Variants in FAM76B observed in about 807,000 individuals in gnomAD.
FAM76B encodes the protein family with sequence similarity 76 member B, also known as protein FAM76B.
In FAM76B, 16 loss-of-function variants were observed where a neutral mutation model predicts 51.8. The observed-to-expected ratio is 0.31, with a 90% confidence interval of 0.21 to 0.47. The LOEUF is 0.47. Ranked by LOEUF, FAM76B falls within the 20% of genes least tolerant of loss-of-function variation. The pLI, the probability that FAM76B is intolerant of heterozygous loss-of-function variation, is 1.00. For synonymous variants in FAM76B, 166 were observed against 129.5 expected (o/e 1.28, Z -1.91); for missense variants, 342 against 392.6 (o/e 0.87, Z 1.09).
In FAM76B at chr11:95,787,690, A is replaced by T. The variant is rs764889788; in HGVS notation, c.153-12T>A. On this transcript the variant is annotated splice_polypyrimidine_tract_variant and intron_variant, in intron 2 of 9. Coordinates refer to ENST00000358780, the MANE Select transcript of FAM76B (RefSeq NM_144664.5). The stretch of plus-strand genomic sequence containing the variant: ...TTGTGTTAGTTTTGCTGAAAAATAA[A>T]TTGTATATAGATCATGTTTATGTAG... 2.5e-6 allele frequency: 4 copies of T among 1,593,352 alleles called. No homozygotes were observed. In the East Asian group the frequency reaches 6.7e-5, roughly 27 times the overall value.
At position 95,768,997 on chromosome 11, in the gene FAM76B, A is replaced by G. The variant is rs369455376; in HGVS notation, c.*2564T>C. On this transcript the variant is annotated 3_prime_UTR_variant, in exon 10 of 10. Coordinates refer to ENST00000358780, the MANE Select transcript of FAM76B (RefSeq NM_144664.5). The stretch of plus-strand genomic sequence containing the variant: ...TTGTGAAATATTGGATCTAGAAAAA[A>G]GTACAAAATGTCAACAGTCAGATGT... 30 of 152,578 alleles carry G rather than the reference A, an allele frequency of 2.0e-4. 1 individual carries two copies. Among genetic ancestry groups the G allele is most frequent in the Middle Eastern group, 3.4e-3 (1 of 294 alleles). 9.5% of individuals were successfully genotyped at this position (152,578 alleles called of 1,614,324 possible).
chr11:95,789,523 G>T lies in FAM76B; in HGVS notation c.-45C>A. On this transcript the variant is annotated 5_prime_UTR_variant, in exon 1 of 10. Coordinates refer to ENST00000358780, the MANE Select transcript of FAM76B (RefSeq NM_144664.5). ...CTCCGCCGCCGCCCGCTCCGAGGCG[G>T]GGCCCTACGGAGAACCCGAGAGCCG... The T allele has an allele frequency of 6.5e-7, 1 of 1,541,116 alleles. No homozygotes were observed. Among genetic ancestry groups the T allele is most frequent in the Middle Eastern group, 2.0e-4 (1 of 4,928 alleles).
intron 8 of FAM76B, among the ~76,000 whole-genome samples, chr11:95,776,331 G>A (rs979065780): frequency 2.6e-5 from 4 of 151,232 alleles, no homozygotes; most frequent in African/African-American, 7.3e-5. Context: ...AAAGCTTAAC[G>A]GCTAATAACT....
rs1410515211 is a variant in FAM76B at position 95,783,203 on chromosome 11, G to A, written c.425C>T (p.Thr142Met). Residue 142 changes from threonine to methionine, a missense_variant, in exon 5 of 10, where the codon ACG becomes ATG. Thr to Met is a moderately conservative substitution (Grantham distance 81, BLOSUM62 -1). Coordinates refer to ENST00000358780, the MANE Select transcript of FAM76B (RefSeq NM_144664.5). ...TCCCAGGCTCTTCCTTTGTTCTTTCGTCTTCTGTAAAACTCTTTTGTACGA... is the reference window on the plus strand; with the variant it reads ...TCCCAGGCTCTTCCTTTGTTCTTTCATCTTCTGTAAAACTCTTTTGTACGA... ...TLSYKRVLQK[T>M]KEQRKSLGSS... The A allele has an allele frequency of 2.5e-6, 4 of 1,613,670 alleles. No homozygotes were observed. The highest frequency in any genetic ancestry group is 3.4e-6 in the Non-Finnish European group (4 of 1,179,960).
In FAM76B at chr11:95,789,751, G is replaced by A. The variant is rs377202589; in HGVS notation, c.-273C>T. The A allele has an allele frequency of 9.4e-5, 42 of 446,446 alleles. No individual in the cohort carries two copies. Among genetic ancestry groups the A allele is most frequent in the South Asian group, 6.3e-4 (18 of 28,466 alleles). 27.7% of individuals were successfully genotyped at this position (446,446 alleles called of 1,614,324 possible). A position where few individuals can be genotyped will look rare whatever the true frequency, so the allele number is the denominator to read the frequency against. Reference sequence around the variant, plus strand: ...GGCGGAGGGAGACGAAGCGGGTAGGGGGTTGCTGTTTAGCTGTGCGGCCGT... The same window carrying A: ...GGCGGAGGGAGACGAAGCGGGTAGGAGGTTGCTGTTTAGCTGTGCGGCCGT... On this transcript the variant is annotated 5_prime_UTR_variant, in exon 1 of 10. Coordinates refer to ENST00000358780, the MANE Select transcript of FAM76B (RefSeq NM_144664.5).
chr11:95,777,242 T>C (rs909713459), intron 8 of FAM76B, among the ~76,000 whole-genome samples: 3 of 151,430 alleles, frequency 2.0e-5, no homozygotes, highest in Admixed American at 6.6e-5. Context: ...TAAGAAAAAG[T>C]TGCAAATGTA....
chr11:95,783,144 T>A lies in FAM76B; in HGVS notation c.484A>T (p.Thr162Ser), dbSNP rs61749525. The change falls in exon 5 of 10, where the codon ACT becomes TCT. Residue 162 changes from threonine (T) to serine (S), a missense_variant. Coordinates refer to ENST00000358780, the MANE Select transcript of FAM76B (RefSeq NM_144664.5). ...TTTGGATGATGCTGGTCTTTCTCAGTAAGAGATGAAGAAGATGAATTTGAA... is the reference window on the plus strand; with the variant it reads ...TTTGGATGATGCTGGTCTTTCTCAGAAAGAGATGAAGAAGATGAATTTGAA... ...SHSNSSSSSL[T>S]EKDQHHPKHH... 1 of 1,613,142 alleles carries A rather than the reference T, an allele frequency of 6.2e-7. No homozygotes were observed. Among genetic ancestry groups the A allele is most frequent in the African/African-American group, 1.3e-5 (1 of 75,056 alleles).
chr11:95,775,285 T>C (rs1302081687), intron 9 of FAM76B, among the ~76,000 whole-genome samples: 1 of 151,510 alleles, frequency 6.6e-6, no homozygotes, highest in African/African-American at 2.4e-5. Context: ...ATGTTCACCA[T>C]CTCTGCATGC....
At chr11:95,786,360 G>T in intron 3 of FAM76B, 86 bp from the exon 4 acceptor site, 1 of 1,437,494 alleles carries the variant, frequency 7.0e-7, no homozygotes, top group Non-Finnish European at 9.2e-7. Flanking sequence ...CATATTTCTG[G>T]AATTAAGAAA....
At chr11:95,775,714 A>T (rs1246555853) in intron 9 of FAM76B, 2 of 335,626 alleles carry the variant, frequency 6.0e-6, no homozygotes, top group Non-Finnish European at 1.1e-5. Flanking sequence ...AGTTTTCAAG[A>T]TTAAAGTACT....
rs199946872 is a variant in FAM76B, at chr11:95,788,581, A to G, written c.88-18T>C. ...CGACATTCCTGTAATAAGACAATACATTAGTCAGTATCTTTCTGAAAGTCC... is the reference window on the plus strand; with the variant it reads ...CGACATTCCTGTAATAAGACAATACGTTAGTCAGTATCTTTCTGAAAGTCC... On this transcript the variant is annotated intron_variant, in intron 1 of 9. Transcript: ENST00000358780. 5.6e-6 allele frequency: 9 copies of G among 1,598,252 alleles called. No individual in the cohort carries two copies. Among genetic ancestry groups the G allele is most frequent in the Non-Finnish European group, 5.1e-6 (6 of 1,168,966 alleles).
At position 95,769,901 on chromosome 11, in the gene FAM76B, T is replaced by C. The variant is rs1859694359; in HGVS notation, c.*1660A>G. On this transcript the variant is annotated 3_prime_UTR_variant, in exon 10 of 10. Coordinates refer to ENST00000358780, the MANE Select transcript of FAM76B (RefSeq NM_144664.5). ...TCAAAATGGACAAAGAATTATTTGG[T>C]ATTCACTTTATAATGAACTATGAGA... 6.6e-6 allele frequency: 1 copy of C among 151,530 alleles called. No individual in the cohort carries two copies. 9.4% of individuals were successfully genotyped at this position (151,530 alleles called of 1,614,324 possible). A position where few individuals can be genotyped will look rare whatever the true frequency, so the allele number is the denominator to read the frequency against.
chr11:95,775,464 C>A (rs879804115), intron 9 of FAM76B, among the ~76,000 whole-genome samples: 2 of 151,366 alleles, frequency 1.3e-5, no homozygotes, highest in African/African-American at 4.8e-5. Context: ...GTTAAGTAAA[C>A]TCTCTTGCTT....
At position 95,783,381 on chromosome 11, in the gene FAM76B, T is replaced by C. The variant is rs566506647; in HGVS notation, c.364-117A>G. 18 of 746,882 alleles carry C rather than the reference T, an allele frequency of 2.4e-5. No individual in the cohort carries two copies. In the African/African-American group the frequency reaches 2.6e-4, roughly 11 times the overall value. 46.3% of individuals were successfully genotyped at this position (746,882 alleles called of 1,614,324 possible). ...TCCACACGTAACATGCACAAATGCA[T>C]GTATGCACATATTCACGGATTTTCT... On this transcript the variant is annotated intron_variant, in intron 4 of 9. Transcript: ENST00000358780.
In FAM76B at chr11:95,783,193, T is replaced by C; in HGVS notation, c.435A>G (p.Gln145=). ...YKRVLQKTKE[Q]RKSLGSSHSN... is the part of the protein sequence containing the mutation. ...AATGTGAAGATCCCAGGCTCTTCCTTTGTTCTTTCGTCTTCTGTAAAACTC... is the reference window on the plus strand; with the variant it reads ...AATGTGAAGATCCCAGGCTCTTCCTCTGTTCTTTCGTCTTCTGTAAAACTC... The change falls in exon 5 of 10, where the codon CAA becomes CAG. Residue 145 remains glutamine (Q), a synonymous_variant. Transcript: ENST00000358780. The C allele has an allele frequency of 5.0e-6, 8 of 1,613,992 alleles. No homozygotes were observed. The highest frequency in any genetic ancestry group is 5.9e-6 in the Non-Finnish European group (7 of 1,179,944).
At chr11:95,781,079 CCTT>C (rs1565290579) in intron 5 of FAM76B, among the ~76,000 whole-genome samples, 2 of 140,020 alleles carry the variant, frequency 1.4e-5, no homozygotes, top group Non-Finnish European at 3.1e-5. Flanking sequence ...TGCAGTTGTC[CCTT>C]TTTTTTTTTT....
chr11:95,776,436 A>T (rs1394891183), intron 8 of FAM76B, among the ~76,000 whole-genome samples: 1 of 151,568 alleles, frequency 6.6e-6, no homozygotes, highest in Non-Finnish European at 1.5e-5. Context: ...TTCAATGCTT[A>T]AAGAAAGAAA....
At chr11:95,786,395 G>A in intron 3 of FAM76B, 121 bp from the exon 4 acceptor site, 2 of 1,194,026 alleles carry the variant, frequency 1.7e-6, no homozygotes, top group Non-Finnish European at 2.3e-6. Context: ...TTTGTTTTCT[G>A]TCAAGTTTGT....
chr11:95,779,870 T>C lies in FAM76B; in HGVS notation c.611+9A>G, dbSNP rs2120233793. 6.3e-7 allele frequency: 1 copy of C among 1,599,728 alleles called. No individual in the cohort carries two copies. Among genetic ancestry groups the C allele is most frequent in the East Asian group, 2.2e-5 (1 of 44,488 alleles). On this transcript the variant is annotated intron_variant, in intron 6 of 9. Transcript: ENST00000358780. ...CAAAATACTTCAGAAAATACAGCAA[T>C]GTATTTACCTCTGTTTCCACAGTCC...
Sources: allele counts gnomAD v4.1 joint callset (sites outside exome capture counted in the v4.1 genomes callset), GRCh38; gene constraint gnomAD v4.1.1; transcripts MANE v1.5; gene names NCBI Gene and HGNC (gene_info 2026-07-23, HGNC 2026-07-21).